Variants in DOCK3 observed in about 807,000 individuals in gnomAD.
DOCK3 encodes the protein dedicator of cytokinesis protein 3.
DOCK3 carries 60 observed loss-of-function variants against 265.6 expected under a neutral mutation model. The ratio of observed to expected loss-of-function variants is 0.23; its 90% confidence interval spans 0.18 to 0.28. The LOEUF (loss-of-function observed/expected upper bound fraction) is 0.28. Among genes scored for constraint, DOCK3 ranks in the 10% least tolerant of loss-of-function variants. The pLI, the probability that DOCK3 is intolerant of heterozygous loss-of-function variation, is 1.00. For missense variants in DOCK3, 1,981 were observed against 2,594.3 expected, an observed-to-expected ratio of 0.76 and a Z score of 5.14; for synonymous variants, 881 against 938.0, an observed-to-expected ratio of 0.94 and a Z score of 1.11.
intron 5 of DOCK3, among the ~76,000 whole-genome samples, chr3:50,971,134 TG>T (rs1222069955): frequency 6.6e-6 from 1 of 150,502 alleles, no homozygotes; most frequent in Non-Finnish European, 1.5e-5. Context: ...TCAGCCCCAC[TG>T]AGATTATTTA....
intron 9 of DOCK3, among the ~76,000 whole-genome samples, chr3:51,129,145 A>G (rs2084397320): frequency 6.6e-6 from 1 of 152,252 alleles, no homozygotes; most frequent in Admixed American, 6.5e-5. Context: ...GAATTAGTAT[A>G]TAATTGCACA....
At position 51,312,590 on chromosome 3, in the gene DOCK3, CT is replaced by C. The variant is rs1444121217; in HGVS notation, c.3194+16del. The C allele has an allele frequency of 6.4e-7, 1 of 1,566,894 alleles. No individual in the cohort carries two copies. The stretch of plus-strand genomic sequence containing the variant: ...GATTCTAGATAAGTAAGATAAACGT[CT>C]TATATTCATCTCCTTACCACTTGGC... On this transcript the variant is annotated intron_variant, in intron 30 of 52. Coordinates refer to ENST00000266037, the MANE Select transcript of DOCK3 (RefSeq NM_004947.5).
chr3:50,767,627 T>G (rs1167579133), intron 1 of DOCK3, among the ~76,000 whole-genome samples: 1 of 152,158 alleles, frequency 6.6e-6, no homozygotes, highest in African/African-American at 2.4e-5. Flanking sequence ...CATATGAACT[T>G]TAAAGTAGTT....
At chr3:50,859,836 C>T (rs981097426) in intron 3 of DOCK3, among the ~76,000 whole-genome samples, 5 of 152,152 alleles carry the variant, frequency 3.3e-5, no homozygotes, top group African/African-American at 1.2e-4. Flanking sequence ...TCTGTGTTTC[C>T]TCATAGTTGC....
intron 5 of DOCK3, among the ~76,000 whole-genome samples, chr3:51,031,352 A>G (rs890157041): frequency 2.0e-5 from 3 of 152,162 alleles, no homozygotes; most frequent in Non-Finnish European, 2.9e-5. Flanking sequence ...ACTCTGGCCC[A>G]TGATTATACC....
At chr3:51,307,229 C>G (rs2082734512) in intron 27 of DOCK3, among the ~76,000 whole-genome samples, 1 of 152,176 alleles carries the variant, frequency 6.6e-6, no homozygotes, top group Non-Finnish European at 1.5e-5. Context: ...AATCCTCCCA[C>G]TTCAACCTGC....
chr3:51,020,314 G>T (rs758498807), intron 5 of DOCK3, among the ~76,000 whole-genome samples: 3 of 151,614 alleles, frequency 2.0e-5, no homozygotes, highest in Non-Finnish European at 4.4e-5. Context: ...TTTTAGTGGG[G>T]TTGTTTGTTT....
At chr3:51,049,184 G>A (rs2080894050) in intron 5 of DOCK3, among the ~76,000 whole-genome samples, 1 of 152,104 alleles carries the variant, frequency 6.6e-6, no homozygotes, top group African/African-American at 2.4e-5. Context: ...AAATTAGCCA[G>A]GCATGGTGAT....
intron 1 of DOCK3, among the ~76,000 whole-genome samples, chr3:50,747,316 T>A (rs2039510275): frequency 6.6e-6 from 1 of 152,230 alleles, no homozygotes; most frequent in South Asian, 2.1e-4. Flanking sequence ...CATTTCCATA[T>A]GAATTTTAAA....
intron 7 of DOCK3, among the ~76,000 whole-genome samples, chr3:51,087,398 C>T (rs918802454): frequency 2.0e-5 from 3 of 152,216 alleles, no homozygotes; most frequent in Non-Finnish European, 2.9e-5. Flanking sequence ...ATGATCATCT[C>T]AATAGTCACA....
At chr3:50,683,457 T>G (rs35566897) in intron 1 of DOCK3, among the ~76,000 whole-genome samples, 14,355 of 152,248 alleles carry the variant, frequency 0.094, 836 homozygotes, top group Non-Finnish European at 0.12. Flanking sequence ...AAAATTTTAT[T>G]GTCCTAGAGG....
chr3:50,866,475 C>A (rs2047152342), intron 3 of DOCK3, among the ~76,000 whole-genome samples: 1 of 73,698 alleles, frequency 1.4e-5, no homozygotes. Context: ...CAAAGCGAGA[C>A]TCTTTTTTTT....
chr3:51,017,094 G>T (rs376250833), intron 5 of DOCK3, among the ~76,000 whole-genome samples: 23 of 148,358 alleles, frequency 1.6e-4, no homozygotes, highest in African/African-American at 5.3e-4. Context: ...TTTCTTCATG[G>T]TTCAATCTTT....
At chr3:50,882,194 A>T (rs1268689503) in intron 3 of DOCK3, among the ~76,000 whole-genome samples, 1 of 152,206 alleles carries the variant, frequency 6.6e-6, no homozygotes, top group East Asian at 1.9e-4. Context: ...ACCATTCAGG[A>T]TATAGGCATG....
intron 38 of DOCK3, among the ~76,000 whole-genome samples, chr3:51,346,983 GTTGT>G (rs761644863): frequency 1.3e-5 from 2 of 152,182 alleles, no homozygotes; most frequent in Admixed American, 6.5e-5. Context: ...TTTTGATGGG[GTTGT>G]TTGATTTTTT....
At chr3:51,248,806 G>A (rs1301297956) in intron 22 of DOCK3, among the ~76,000 whole-genome samples, 7 of 149,126 alleles carry the variant, frequency 4.7e-5, no homozygotes, top group African/African-American at 7.5e-5. Context: ...TTGCCCGGCC[G>A]CCCATCGTCT....
intron 9 of DOCK3, among the ~76,000 whole-genome samples, chr3:51,096,600 C>T (rs1395934763): frequency 1.3e-5 from 2 of 152,302 alleles, no homozygotes; most frequent in East Asian, 3.9e-4. Flanking sequence ...GCTCCTTTAG[C>T]TTGGAGGAGT....
intron 5 of DOCK3, among the ~76,000 whole-genome samples, chr3:50,976,100 G>T (rs1160689548): frequency 9.0e-4 from 135 of 149,644 alleles, no homozygotes; most frequent in African/African-American, 3.2e-3. Context: ...CCAGCTCCTG[G>T]ATTCATTAAT....
chr3:50,938,330 G>T (rs564850017), intron 5 of DOCK3, among the ~76,000 whole-genome samples: 2 of 152,128 alleles, frequency 1.3e-5, no homozygotes, highest in Non-Finnish European at 2.9e-5. Flanking sequence ...TTATGGTTGG[G>T]GATTAATAAC....
Sources: gnomAD v4.1 joint callset for allele counts (sites outside exome capture counted in the v4.1 genomes callset) on GRCh38, gnomAD v4.1.1 for gene constraint, MANE v1.5 for transcripts, NCBI Gene and HGNC (gene_info 2026-07-23, HGNC 2026-07-21) for gene names.